TTC28: variants seen among roughly 807,000 people sequenced by gnomAD.
TTC28 encodes tetratricopeptide repeat protein 28.
Under a neutral mutation model 198.0 loss-of-function variants are expected in TTC28, and 61 were observed. The ratio of observed to expected loss-of-function variants is 0.31; its 90% CI spans 0.25 to 0.38. The LOEUF (loss-of-function observed/expected upper bound fraction) is 0.38. TTC28 is among the 10% of genes least tolerant of loss of function. The probability of loss-of-function intolerance (pLI) is 1.00; values close to 1 mark genes in which losing one functional copy is unlikely to be tolerated. For missense variants in TTC28, 2,678 were observed against 3,164.0 expected (o/e 0.85, Z 3.69); for synonymous variants, 1,171 against 1,297.8 (o/e 0.90, Z 2.10).
At chr22:28,184,901 A>C (rs1924050255) in intron 5 of TTC28, among the ~76,000 whole-genome samples, 1 of 152,168 alleles carries the variant, frequency 6.6e-6, no homozygotes, top group Non-Finnish European at 1.5e-5. Context: ...GCACAGCATG[A>C]GACAGATGAG....
At chr22:28,592,205 G>T (rs1427491404) in intron 2 of TTC28, among the ~76,000 whole-genome samples, 1 of 152,172 alleles carries the variant, frequency 6.6e-6, no homozygotes, top group Non-Finnish European at 1.5e-5. Context: ...AGTGGGATTT[G>T]CTAGGTGTGG....
intron 2 of TTC28, among the ~76,000 whole-genome samples, chr22:28,335,122 C>A (rs944538710): frequency 2.6e-5 from 4 of 152,132 alleles, no homozygotes; most frequent in Non-Finnish European, 5.9e-5. Context: ...ATCCTTTCCC[C>A]ATTGCTTGTT....
intron 5 of TTC28, among the ~76,000 whole-genome samples, chr22:28,277,791 T>C (rs1037715049): frequency 1.3e-5 from 2 of 152,150 alleles, no homozygotes; most frequent in Non-Finnish European, 2.9e-5. Flanking sequence ...GCAGAAAAAC[T>C]ACCATTAATT....
At chr22:28,273,215 G>A (rs550202827) in intron 5 of TTC28, among the ~76,000 whole-genome samples, 2 of 152,238 alleles carry the variant, frequency 1.3e-5, no homozygotes, top group Non-Finnish European at 2.9e-5. Context: ...TAATACCATT[G>A]AGATTCTCCT....
chr22:28,655,230 G>C (rs1405872940), intron 1 of TTC28, among the ~76,000 whole-genome samples: 1 of 152,120 alleles, frequency 6.6e-6, no homozygotes, highest in Admixed American at 6.5e-5. Context: ...CTACCCTATA[G>C]ATTACAGACT....
rs1350654402 is a variant in TTC28 at position 27,979,696 on chromosome 22, A to G, written c.*2525T>C. 6.6e-6 allele frequency: 1 copy of G among 152,198 alleles called. No homozygotes were observed. Among genetic ancestry groups the G allele is most frequent in the Non-Finnish European group, 1.5e-5 (1 of 68,036 alleles). 9.4% of individuals were successfully genotyped at this position (152,198 alleles called of 1,614,324 possible). On this transcript the variant is annotated 3_prime_UTR_variant, in exon 23 of 23. Coordinates refer to ENST00000397906, the MANE Select transcript of TTC28 (RefSeq NM_001145418.2). ...CTTGGTGAATTATACAATTTCCTTT[A>G]ATTCTAAGTGCATACTTTTTCCAGT...
intron 2 of TTC28, among the ~76,000 whole-genome samples, chr22:28,337,747 A>G (rs981372406): frequency 7.9e-5 from 12 of 152,144 alleles, no homozygotes; most frequent in African/African-American, 2.7e-4. Context: ...TGCACGTGAG[A>G]TGGGTTTCCT....
At position 28,099,018 on chromosome 22, in the gene TTC28, T is replaced by G; in HGVS notation, c.3444A>C (p.Glu1148Asp). 1.9e-6 allele frequency: 3 copies of G among 1,551,944 alleles called. No homozygotes were observed. Among genetic ancestry groups the G allele is most frequent in the Non-Finnish European group, 2.6e-6 (3 of 1,147,052 alleles). Residue 1148 changes from glutamate to aspartate, a missense_variant, in exon 10 of 23, where the codon GAA (glutamate) becomes GAC (aspartate). This residue lies in a region of TTC28 where 727 missense variants were observed against 861.9 expected (regional missense o/e 0.84). Coordinates refer to ENST00000397906, the MANE Select transcript of TTC28 (RefSeq NM_001145418.2). ...TCAGCTGTGCCTCATGTCGGATTGTTTCAAACAAGGCTGATGCCCTATAAA... is the reference window on the plus strand; with the variant it reads ...TCAGCTGTGCCTCATGTCGGATTGTGTCAAACAAGGCTGATGCCCTATAAA... ...HQLYRASALF[E>D]TIRHEAQLST...
chr22:28,420,541 T>C (rs1227435925), intron 2 of TTC28, among the ~76,000 whole-genome samples: 1 of 150,830 alleles, frequency 6.6e-6, no homozygotes, highest in Non-Finnish European at 1.5e-5. Context: ...AATTCTGCCT[T>C]TGTAGCCATA....
chr22:28,001,600 G>A, intron 14 of TTC28, 47 bp from the exon 15 acceptor site: 1 of 1,532,196 alleles, frequency 6.5e-7, no homozygotes, highest in Non-Finnish European at 8.8e-7. Flanking sequence ...CCAGCAGGCA[G>A]GGGTTTCAGG....
chr22:28,267,659 A>C (rs749938928), intron 5 of TTC28, among the ~76,000 whole-genome samples: 52 of 152,356 alleles, frequency 3.4e-4, no homozygotes, highest in Middle Eastern at 3.4e-3. Flanking sequence ...TCAGAGGAAG[A>C]TCATCATATA....
intron 6 of TTC28, among the ~76,000 whole-genome samples, chr22:28,151,608 G>T (rs1305415696): frequency 6.6e-6 from 1 of 152,218 alleles, no homozygotes; most frequent in Non-Finnish European, 1.5e-5. Flanking sequence ...GCACCGATAG[G>T]TGTGGGGCAC....
intron 1 of TTC28, among the ~76,000 whole-genome samples, chr22:28,648,232 A>G (rs1466281976): frequency 6.6e-6 from 1 of 151,970 alleles, no homozygotes; most frequent in Non-Finnish European, 1.5e-5. Context: ...AAAAAAAAAA[A>G]AAAAAAAAAA....
intron 6 of TTC28, among the ~76,000 whole-genome samples, chr22:28,121,995 G>C (rs1942799987): frequency 6.6e-6 from 1 of 152,154 alleles, no homozygotes; most frequent in South Asian, 2.1e-4. Flanking sequence ...AGCCTCCTGA[G>C]TAGCTGGGAT....
chr22:28,493,362 A>C (rs969467341), intron 2 of TTC28, among the ~76,000 whole-genome samples: 1 of 152,208 alleles, frequency 6.6e-6, no homozygotes, highest in Non-Finnish European at 1.5e-5. Flanking sequence ...TCTCAAAAAA[A>C]AAATTTTTTT....
At chr22:28,138,709 C>T (rs1160710647) in intron 6 of TTC28, among the ~76,000 whole-genome samples, 3 of 152,164 alleles carry the variant, frequency 2.0e-5, no homozygotes, top group Non-Finnish European at 4.4e-5. Context: ...ACAGGCAGTA[C>T]GTGAGAGACC....
At chr22:27,990,101 G>A in intron 20 of TTC28, 94 bp from the exon 21 acceptor site, 1 of 1,434,554 alleles carries the variant, frequency 7.0e-7, no homozygotes, top group Non-Finnish European at 9.4e-7. Context: ...ACCTGTCACT[G>A]GCATCGCTAA....
At chr22:28,102,182 T>C (rs142437801) in intron 8 of TTC28, among the ~76,000 whole-genome samples, 6 of 152,334 alleles carry the variant, frequency 3.9e-5, no homozygotes, top group East Asian at 3.9e-4. Context: ...TGAGTGTTAA[T>C]AGAAGATACA....
At chr22:28,408,466 C>A (rs1012332839) in intron 2 of TTC28, among the ~76,000 whole-genome samples, 2 of 152,106 alleles carry the variant, frequency 1.3e-5, no homozygotes. Context: ...TCTTGGCTCA[C>A]TGCAACCTCT....
Sources: gnomAD v4.1 joint callset for allele counts (sites outside exome capture counted in the v4.1 genomes callset) on GRCh38, gnomAD v4.1.1 for gene constraint, gnomAD v4.1.1 regional missense constraint, MANE v1.5 for transcripts, NCBI Gene and HGNC (gene_info 2026-07-23, HGNC 2026-07-21) for gene names.